The following POLK variants were observed in gnomAD, a reference collection of about 807,000 sequenced individuals.
The protein encoded by POLK is polymerase (DNA directed) kappa.
In POLK, 76 loss-of-function variants were observed where a neutral mutation model predicts 94.0. That is an observed-to-expected ratio of 0.81 (90% confidence interval 0.67 to 0.98). POLK has a LOEUF of 0.98. Among genes scored for constraint, POLK ranks in the 50% least tolerant of loss-of-function variants. The probability of loss-of-function intolerance (pLI) is 0.00; values close to 1 mark genes in which losing one functional copy is unlikely to be tolerated. For missense variants in POLK, 954 were observed against 1,010.1 expected (o/e 0.94, Z 0.75); for synonymous variants, 349 against 325.4 (o/e 1.07, Z -0.78).
chr5:75,541,041 T>C (rs1769710598), intron 1 of POLK, among the ~76,000 whole-genome samples: 1 of 152,154 alleles, frequency 6.6e-6, no homozygotes, highest in African/African-American at 2.4e-5. Flanking sequence ...CCCAGCACTT[T>C]AGGAGACAGA....
intron 1 of POLK, among the ~76,000 whole-genome samples, chr5:75,518,484 A>G (rs1272992587): frequency 6.6e-6 from 1 of 151,836 alleles, no homozygotes; most frequent in African/African-American, 2.4e-5. Context: ...TGGTATGTCT[A>G]CTTTTTCATT....
upstream of POLK, chr5:75,511,313 TG>T: frequency 6.5e-7 from 1 of 1,550,312 alleles, no homozygotes; most frequent in Non-Finnish European, 8.7e-7. Flanking sequence ...AAGCGAAGAG[TG>T]CCCGCTCCGG....
chr5:75,593,988 G>A, exon 12 of POLK: 2 of 1,612,170 alleles, frequency 1.2e-6, no homozygotes, highest in South Asian at 1.1e-5. Context: ...CCATTGCTAA[G>A]GAATTGCTAA....
exon 15 of POLK, chr5:75,600,424 A>G (rs902979111): frequency 7.9e-5 from 12 of 152,184 alleles, no homozygotes; most frequent in African/African-American, 2.9e-4. Context: ...CTCAAAACCT[A>G]GCAATTGCAC....
the POLK span, among the ~76,000 whole-genome samples, chr5:75,608,353 C>G: frequency 3.9e-5 from 6 of 152,218 alleles, no homozygotes; most frequent in African/African-American, 9.6e-5. Flanking sequence ...CCCACCACCA[C>G]CAGCTAATTT....
intron 7 of POLK, chr5:75,582,141 TACTA>T: frequency 1.0e-6 from 1 of 987,042 alleles, no homozygotes; most frequent in Non-Finnish European, 1.2e-6. Flanking sequence ...ACAAAAGAAA[TACTA>T]ACTAGCAACA....
chr5:75,553,947 TA>T (rs1770461954), intron 3 of POLK, among the ~76,000 whole-genome samples: 1 of 152,206 alleles, frequency 6.6e-6, no homozygotes, highest in African/African-American at 2.4e-5. Context: ...CCAGGTTCTT[TA>T]AATCATATTG....
At chr5:75,518,939 G>C (rs931160262) in intron 1 of POLK, among the ~76,000 whole-genome samples, 1 of 152,108 alleles carries the variant, frequency 6.6e-6, no homozygotes, top group African/African-American at 2.4e-5. Flanking sequence ...CAATCTCCTT[G>C]GTTCAGGTGA....
At chr5:75,559,540 T>G (rs1213266144) in intron 3 of POLK, among the ~76,000 whole-genome samples, 2 of 138,022 alleles carry the variant, frequency 1.4e-5, no homozygotes, top group Non-Finnish European at 3.1e-5. Context: ...TTTTTTTTTT[T>G]TTTTTTTTTT....
chr5:75,578,576 C>A (rs1302359986), intron 6 of POLK, among the ~76,000 whole-genome samples: 1 of 152,150 alleles, frequency 6.6e-6, no homozygotes, highest in African/African-American at 2.4e-5. Flanking sequence ...TTTTCATATT[C>A]TTAAACAATT....
intron 1 of POLK, among the ~76,000 whole-genome samples, chr5:75,540,651 G>A (rs191630206): frequency 1.2e-4 from 18 of 152,148 alleles, no homozygotes; most frequent in African/African-American, 4.1e-4. Flanking sequence ...AAAAAATACA[G>A]TACCAAAAAA....
At chr5:75,548,658 TGCGTGGTGATGTCCACA>T (rs570346601) in intron 2 of POLK, among the ~76,000 whole-genome samples, 17 of 151,920 alleles carry the variant, frequency 1.1e-4, no homozygotes, top group Non-Finnish European at 1.9e-4. Context: ...TCTTAGGAAA[TGCGTGGTGATGTCCACA>T]GCAACTTACT....
At chr5:75,521,898 A>G (rs746852214) in intron 1 of POLK, among the ~76,000 whole-genome samples, 1 of 152,098 alleles carries the variant, frequency 6.6e-6, no homozygotes. Flanking sequence ...CCCAAAGGTG[A>G]TATCTCAGCA....
intron 5 of POLK, among the ~76,000 whole-genome samples, chr5:75,574,996 G>C (rs943180181): frequency 1.3e-5 from 2 of 152,220 alleles, no homozygotes; most frequent in East Asian, 3.8e-4. Flanking sequence ...GAAAACCAAA[G>C]TGTTTTTAGT....
intron 1 of POLK, among the ~76,000 whole-genome samples, chr5:75,539,586 A>G (rs1303148438): frequency 6.6e-6 from 1 of 152,062 alleles, no homozygotes; most frequent in Non-Finnish European, 1.5e-5. Flanking sequence ...GCCTAGACCT[A>G]CTAGGCTTCA....
downstream of POLK, among the ~76,000 whole-genome samples, chr5:75,603,540 A>G (rs977809182): frequency 1.3e-5 from 2 of 152,110 alleles, no homozygotes; most frequent in Non-Finnish European, 2.9e-5. Context: ...TGTGGTGTAA[A>G]TGCTCCCACC....
chr5:75,584,532 G>A (rs958941459), intron 8 of POLK, among the ~76,000 whole-genome samples: 2 of 152,176 alleles, frequency 1.3e-5, no homozygotes, highest in East Asian at 3.9e-4. Flanking sequence ...GCCGGGTATG[G>A]TGGCGCATGT....
chr5:75,569,095 A>G (rs927113457), intron 3 of POLK, among the ~76,000 whole-genome samples: 4 of 152,196 alleles, frequency 2.6e-5, no homozygotes, highest in Admixed American at 2.0e-4. Context: ...TTAAAAAACA[A>G]TACAATATAC....
At chr5:75,573,947 A>G (rs546960773) in intron 5 of POLK, 78 bp downstream of exon 5, 2 of 1,449,012 alleles carry the variant, frequency 1.4e-6, no homozygotes, top group Non-Finnish European at 1.9e-6. Context: ...CAAGTGCCTT[A>G]GCACGTAGGA....
Sources: allele counts gnomAD v4.1 joint callset (sites outside exome capture counted in the v4.1 genomes callset), GRCh38; gene constraint gnomAD v4.1.1; transcripts MANE v1.5; gene names NCBI Gene and HGNC (gene_info 2026-07-23, HGNC 2026-07-21).